EPHA6: variants seen among roughly 807,000 people sequenced by gnomAD.
The protein encoded by EPHA6 is ephrin type-A receptor 6.
A neutral mutation model predicts 112.0 loss-of-function variants in EPHA6; 50 were observed. The ratio of observed to expected loss-of-function variants is 0.45; its 90% CI spans 0.36 to 0.56. EPHA6 has a LOEUF of 0.56. Ranked by LOEUF, EPHA6 falls within the 20% of genes least tolerant of loss-of-function variation. The pLI, the probability that EPHA6 is intolerant of heterozygous loss-of-function variation, is 0.00. For synonymous variants in EPHA6, 529 were observed against 490.7 expected, an observed-to-expected ratio of 1.08 and a Z score of -1.03; for missense variants, 1,280 against 1,417.4, an observed-to-expected ratio of 0.90 and a Z score of 1.56.
At chr3:97,175,530 AAT>A (rs1309385861) in intron 3 of EPHA6, among the ~76,000 whole-genome samples, 16 of 151,952 alleles carry the variant, frequency 1.1e-4, no homozygotes, top group Admixed American at 9.2e-4. Flanking sequence ...ATGAACATGG[AAT>A]ATTTTTCCAT....
At chr3:97,408,742 T>G (rs559812490) in intron 6 of EPHA6, among the ~76,000 whole-genome samples, 1 of 152,020 alleles carries the variant, frequency 6.6e-6, no homozygotes, top group African/African-American at 2.4e-5. Context: ...ATTCCATTCA[T>G]GAGGGCTCCA....
Position 97,001,849 on chromosome 3 carries a change from A to G in EPHA6, c.1114+13856A>G, listed in dbSNP as rs372239544. ...AAACAAGCTCTGCTTTTCTGCAGCAATGGACAGAAAAAAGCATGATTTATT... is the reference window on the plus strand; with the variant it reads ...AAACAAGCTCTGCTTTTCTGCAGCAGTGGACAGAAAAAAGCATGATTTATT... On this transcript the variant is annotated intron_variant, in intron 3 of 17. Transcript: ENST00000389672. 6.6e-5 allele frequency among the ~76,000 whole-genome samples: 10 copies of G among 152,154 alleles called. No individual in the cohort carries two copies. In the South Asian group the frequency reaches 1.5e-3, roughly 22 times the overall value.
At chr3:97,336,664 C>T (rs533902834) in intron 5 of EPHA6, among the ~76,000 whole-genome samples, 2 of 152,130 alleles carry the variant, frequency 1.3e-5, no homozygotes, top group East Asian at 1.9e-4. Flanking sequence ...GAAGTGCTTA[C>T]GAAAGTTTTA....
intron 3 of EPHA6, among the ~76,000 whole-genome samples, chr3:97,194,513 A>G (rs555081959): frequency 1.3e-5 from 2 of 152,054 alleles, no homozygotes; most frequent in African/African-American, 4.8e-5. Flanking sequence ...AGAATGATCT[A>G]TGTGCTGAAG....
At chr3:97,051,952 G>A (rs560346114) in intron 3 of EPHA6, among the ~76,000 whole-genome samples, 6 of 152,100 alleles carry the variant, frequency 3.9e-5, no homozygotes, top group Admixed American at 6.6e-5. Flanking sequence ...CTCCAAAGTC[G>A]TGATAATGAT....
At chr3:97,394,832 G>A (rs2086610279) in intron 5 of EPHA6, among the ~76,000 whole-genome samples, 1 of 151,760 alleles carries the variant, frequency 6.6e-6, no homozygotes, top group Non-Finnish European at 1.5e-5. Context: ...TGTTGGGAAT[G>A]TAAATTAGTA....
At chr3:97,200,013 A>C (rs1475403312) in intron 3 of EPHA6, among the ~76,000 whole-genome samples, 1 of 152,106 alleles carries the variant, frequency 6.6e-6, no homozygotes, top group African/African-American at 2.4e-5. Context: ...AATCTCAAAT[A>C]GGGGTTATAG....
chr3:97,062,915 G>C (rs1327269529), intron 3 of EPHA6, among the ~76,000 whole-genome samples: 1 of 151,630 alleles, frequency 6.6e-6, no homozygotes, highest in African/African-American at 2.4e-5. Context: ...CTCAAAAGGA[G>C]ATATACATGT....
At chr3:97,175,387 T>A (rs2076809197) in intron 3 of EPHA6, among the ~76,000 whole-genome samples, 1 of 151,982 alleles carries the variant, frequency 6.6e-6, no homozygotes, top group Non-Finnish European at 1.5e-5. Context: ...CTGGGTCTTT[T>A]GAGATTCCAC....
intron 5 of EPHA6, among the ~76,000 whole-genome samples, chr3:97,390,127 T>A (rs949783869): frequency 2.0e-5 from 3 of 152,160 alleles, no homozygotes; most frequent in African/African-American, 4.8e-5. Context: ...TCAAGGCAGC[T>A]GTGAAAACAC....
intron 3 of EPHA6, among the ~76,000 whole-genome samples, chr3:97,054,753 A>C (rs2045799370): frequency 6.6e-6 from 1 of 152,090 alleles, no homozygotes; most frequent in Non-Finnish European, 1.5e-5. Context: ...TCTAATTTTT[A>C]CCTGATACTA....
chr3:97,400,081 C>T (rs1039962383), intron 5 of EPHA6, among the ~76,000 whole-genome samples: 1 of 151,584 alleles, frequency 6.6e-6, no homozygotes, highest in African/African-American at 2.4e-5. Context: ...TGAGTCTTAA[C>T]ATTTAAGTCT....
chr3:96,825,604 T>C (rs928119000), intron 1 of EPHA6, among the ~76,000 whole-genome samples: 9 of 151,914 alleles, frequency 5.9e-5, no homozygotes, highest in Non-Finnish European at 1.0e-4. Flanking sequence ...TATTTATCTT[T>C]AGAAATTAGG....
intron 3 of EPHA6, among the ~76,000 whole-genome samples, chr3:97,225,487 T>A: frequency 6.6e-6 from 1 of 152,312 alleles, no homozygotes; most frequent in Admixed American, 6.5e-5. Context: ...TATTTATGTA[T>A]TCTGAATTTT....
chr3:97,565,398 A>G (rs980765825), intron 11 of EPHA6, among the ~76,000 whole-genome samples: 5 of 152,206 alleles, frequency 3.3e-5, no homozygotes, highest in Admixed American at 2.0e-4. Flanking sequence ...ATTCTGAAGA[A>G]AAAGTTTTAA....
intron 11 of EPHA6, among the ~76,000 whole-genome samples, chr3:97,546,716 T>C (rs2092955550): frequency 1.3e-5 from 2 of 152,204 alleles, no homozygotes; most frequent in Non-Finnish European, 2.9e-5. Context: ...CAGACGTAGA[T>C]TTCGTCTTTT....
intron 6 of EPHA6, among the ~76,000 whole-genome samples, chr3:97,419,344 T>C (rs2088413570): frequency 1.3e-5 from 2 of 149,414 alleles, no homozygotes; most frequent in South Asian, 4.3e-4. Flanking sequence ...ACAGAAGGGG[T>C]CAGGCACGGT....
At chr3:97,270,462 T>C (rs2079841544) in intron 5 of EPHA6, among the ~76,000 whole-genome samples, 1 of 152,238 alleles carries the variant, frequency 6.6e-6, no homozygotes, top group South Asian at 2.1e-4. Context: ...TGTGTAATCT[T>C]AGCTTGCTAT....
intron 4 of EPHA6, among the ~76,000 whole-genome samples, chr3:97,228,623 G>A (rs1430305642): frequency 6.6e-6 from 1 of 151,380 alleles, no homozygotes; most frequent in East Asian, 1.9e-4. Context: ...CTTATTAGCT[G>A]ATGGGCATTT....
Sources: allele counts gnomAD v4.1 joint callset (sites outside exome capture counted in the v4.1 genomes callset), GRCh38; gene constraint gnomAD v4.1.1; transcripts MANE v1.5; gene names NCBI Gene and HGNC (gene_info 2026-07-23, HGNC 2026-07-21).